Variants in ROS1 observed in about 807,000 individuals in gnomAD.
ROS1 encodes proto-oncogene tyrosine-protein kinase ROS.
ROS1 carries 263 observed loss-of-function variants against 273.5 expected under a neutral mutation model. The ratio of observed to expected loss-of-function variants is 0.96; its 90% CI spans 0.87 to 1.06. The LOEUF is 1.06. Among genes scored for constraint, ROS1 ranks in the 50% least tolerant of loss-of-function variants. The pLI is 0.00. For missense variants in ROS1, 2,833 were observed against 2,751.1 expected, an observed-to-expected ratio of 1.03 and a Z score of -0.67; for synonymous variants, 1,008 against 954.1, an observed-to-expected ratio of 1.06 and a Z score of -1.04.
chr6:117,401,336 C>T (rs548818752), intron 7 of ROS1, among the ~76,000 whole-genome samples: 24 of 152,172 alleles, frequency 1.6e-4, no homozygotes, highest in Non-Finnish European at 2.8e-4. Flanking sequence ...CCTTAGAACA[C>T]TCCAAAGACA....
chr6:117,418,218 G>T (rs767888460), intron 2 of ROS1, among the ~76,000 whole-genome samples: 63 of 151,518 alleles, frequency 4.2e-4, no homozygotes, highest in Admixed American at 1.2e-3. Flanking sequence ...TAAGTAATTT[G>T]TCCAAAGCCA....
intron 43 of ROS1, among the ~76,000 whole-genome samples, chr6:117,296,044 T>C (rs1398275416): frequency 1.3e-5 from 2 of 152,176 alleles, no homozygotes; most frequent in African/African-American, 4.8e-5. Flanking sequence ...CACTCCTATG[T>C]TTATTGCAGT....
intron 43 of ROS1, among the ~76,000 whole-genome samples, chr6:117,300,612 A>T (rs1359013856): frequency 6.6e-6 from 1 of 152,216 alleles, no homozygotes; most frequent in East Asian, 1.9e-4. Context: ...GCCAATGATG[A>T]TAATGTACCG....
chr6:117,353,111 T>C lies in ROS1; in HGVS notation c.4182A>G (p.Thr1394=), dbSNP rs148934983. 2 of 1,613,998 alleles carry C rather than the reference T, an allele frequency of 1.2e-6. No homozygotes were observed. Among genetic ancestry groups the C allele is most frequent in the Non-Finnish European group, 1.7e-6 (2 of 1,179,982 alleles). ...GATAAATCTGTGTGCTGTCCTTTGCTGTGATGATCCAGTATATAAGATCTC... is the reference window on the plus strand; with the variant it reads ...GATAAATCTGTGTGCTGTCCTTTGCCGTGATGATCCAGTATATAAGATCTC... ...VDGDLIYWII[T]AKDSTQIYQA... Residue 1394 remains threonine (T), a synonymous_variant, in exon 27 of 44, where the codon ACA becomes ACG. Transcript: ENST00000368507.
At chr6:117,382,228 T>C (rs930927533) in intron 17 of ROS1, among the ~76,000 whole-genome samples, 1 of 152,170 alleles carries the variant, frequency 6.6e-6, no homozygotes, top group Non-Finnish European at 1.5e-5. Flanking sequence ...ACAAGAATGA[T>C]TGTCTTTGGA....
chr6:117,318,322 G>T, intron 37 of ROS1, 70 bp from the exon 38 acceptor site: 2 of 1,135,738 alleles, frequency 1.8e-6, no homozygotes, highest in Non-Finnish European at 1.3e-6. Context: ...GGTTAATGGA[G>T]ATTGTTCTGT....
rs554280559 is a variant in ROS1, at chr6:117,301,147, T to C, written c.6552-10A>G. The C allele has an allele frequency of 3.2e-6, 5 of 1,568,864 alleles. No individual in the cohort carries two copies. Among genetic ancestry groups the C allele is most frequent in the South Asian group, 1.3e-5 (1 of 79,528 alleles). The stretch of plus-strand genomic sequence containing the variant: ...GGTCATTAAATTCCACCTAAATATA[T>C]GGGGAAAGATGGGAAAGTAAATAGC... On this transcript the variant is annotated splice_polypyrimidine_tract_variant and intron_variant, in intron 42 of 43. Coordinates refer to ENST00000368507, the MANE Select transcript of ROS1 (RefSeq NM_001378902.1).
intron 43 of ROS1, chr6:117,299,711 C>A (rs909818102): frequency 6.6e-6 from 1 of 152,172 alleles, no homozygotes; most frequent in African/African-American, 2.4e-5. Context: ...TTTAAATAAA[C>A]AAAGGGCCTT....
At position 117,298,339 on chromosome 6, in the gene ROS1, T is replaced by A. The variant is rs555493166; in HGVS notation, c.6715+2635A>T. On this transcript the variant is annotated intron_variant, in intron 43 of 43. Transcript: ENST00000368507. ...AATCTTGTACTCCATAAATTTATTT[T>A]AAAAAAAAGAGGAGTGATATAGTTA... 5.9e-5 allele frequency among the ~76,000 whole-genome samples: 9 copies of A among 152,176 alleles called. No homozygotes were observed. In the South Asian group the frequency reaches 6.2e-4, roughly 11 times the overall value.
chr6:117,414,628 A>G, intron 3 of ROS1, 83 bp from the exon 4 acceptor site: 1 of 630,580 alleles, frequency 1.6e-6, no homozygotes, highest in Non-Finnish European at 2.8e-6. Flanking sequence ...AATCATTTCA[A>G]ATTAATTTAT....
rs754820794 is a variant in ROS1, at chr6:117,288,765, G to A, written c.6753C>T (p.Asp2251=). ...DGDVICLNSD[D]IMPVALMETK... ...TTTCCATTAAAGCAACTGGCATAATGTCATCTGAATTCAAACAAATCACAT... is the reference window on the plus strand; with the variant it reads ...TTTCCATTAAAGCAACTGGCATAATATCATCTGAATTCAAACAAATCACAT... Residue 2251 remains aspartate (D), a synonymous_variant, in exon 44 of 44, where the codon GAC becomes GAT. Transcript: ENST00000368507. 2.5e-6 allele frequency: 4 copies of A among 1,610,696 alleles called. No individual in the cohort carries two copies. Among genetic ancestry groups the A allele is most frequent in the South Asian group, 1.1e-5 (1 of 90,282 alleles).
chr6:117,292,131 A>G (rs1159397833), intron 43 of ROS1, among the ~76,000 whole-genome samples: 1 of 151,782 alleles, frequency 6.6e-6, no homozygotes, highest in Non-Finnish European at 1.5e-5. Context: ...CACCATGCCC[A>G]GCTAATTTTT....
intron 6 of ROS1, 125 bp from the exon 7 acceptor site, chr6:117,403,402 G>A (rs1442962896): frequency 2.1e-6 from 2 of 954,554 alleles, no homozygotes; most frequent in Non-Finnish European, 3.1e-6. Flanking sequence ...GAGGCCTGGA[G>A]CTTAGAGCTA....
chr6:117,389,941 A>G (rs971253185), intron 12 of ROS1, 95 bp from the exon 13 acceptor site: 28 of 1,097,728 alleles, frequency 2.6e-5, no homozygotes, highest in African/African-American at 1.3e-4. Context: ...CACAATCAGA[A>G]CTATGTATCT....
chr6:117,411,219 A>ATCTCTC (rs3839368), intron 4 of ROS1, among the ~76,000 whole-genome samples: 1 of 133,660 alleles, frequency 7.5e-6, no homozygotes, highest in Non-Finnish European at 1.6e-5. Context: ...CCTTCTCTCA[A>ATCTCTC]TCTCTCTCTC....
At chr6:117,420,714 G>A (rs1562394652) in intron 1 of ROS1, among the ~76,000 whole-genome samples, 1 of 151,882 alleles carries the variant, frequency 6.6e-6, no homozygotes, top group Non-Finnish European at 1.5e-5. Flanking sequence ...TCTAAACTTA[G>A]TGGTCGTATC....
intron 4 of ROS1, among the ~76,000 whole-genome samples, chr6:117,410,109 G>T (rs1774783088): frequency 6.6e-6 from 1 of 152,134 alleles, no homozygotes; most frequent in Admixed American, 6.5e-5. Flanking sequence ...GTCCCCAAAA[G>T]AAACCCCTTG....
chr6:117,420,775 A>G (rs572033581), intron 1 of ROS1, among the ~76,000 whole-genome samples: 3 of 152,118 alleles, frequency 2.0e-5, no homozygotes, highest in South Asian at 4.1e-4. Context: ...TGAAGATTCA[A>G]TTAAATGCAA....
intron 4 of ROS1, among the ~76,000 whole-genome samples, chr6:117,413,292 C>T (rs544091331): frequency 1.3e-5 from 2 of 152,256 alleles, no homozygotes; most frequent in Non-Finnish European, 1.5e-5. Context: ...AGGGGACAGT[C>T]GTGCTATGTT....
Sources: allele counts gnomAD v4.1 joint callset (sites outside exome capture counted in the v4.1 genomes callset), GRCh38; gene constraint gnomAD v4.1.1; transcripts MANE v1.5; gene names NCBI Gene and HGNC (gene_info 2026-07-23, HGNC 2026-07-21).